BYSL: variants seen among roughly 807,000 people sequenced by gnomAD.
The protein encoded by BYSL is bystin like.
A neutral mutation model predicts 45.4 loss-of-function variants in BYSL; 21 were observed. The observed-to-expected ratio is 0.46, with a 90% CI of 0.33 to 0.67. BYSL has a LOEUF of 0.67. Among genes scored for constraint, BYSL ranks in the 30% least tolerant of loss-of-function variants. The pLI, the probability that BYSL is intolerant of heterozygous loss-of-function variation, is 0.02. For synonymous variants in BYSL, 215 were observed against 231.3 expected, an observed-to-expected ratio of 0.93 and a Z score of 0.64; for missense variants, 522 against 578.5, an observed-to-expected ratio of 0.90 and a Z score of 1.00.
Position 41,927,494 on chromosome 6 carries a change from A to G in BYSL, c.389A>G (p.Glu130Gly). 1 of 1,614,064 alleles carries G rather than the reference A, an allele frequency of 6.2e-7. No individual in the cohort carries two copies. Among genetic ancestry groups the G allele is most frequent in the East Asian group, 2.2e-5 (1 of 44,878 alleles). ...GAGGTGGTTGTGGACCCTGAGGATGAGCGTGCCATAGAGATGTTCATGAAC... is the reference window on the plus strand; with the variant it reads ...GAGGTGGTTGTGGACCCTGAGGATGGGCGTGCCATAGAGATGTTCATGAAC... ...HAEVVVDPED[E>G]RAIEMFMNKN... is the part of the protein sequence containing the mutation. The change falls in exon 2 of 7, where the codon GAG (glutamate) becomes GGG (glycine). Residue 130 changes from glutamate to glycine, a missense_variant. Glu to Gly is a moderately conservative substitution (Grantham distance 98, BLOSUM62 -2). Coordinates refer to ENST00000230340, the MANE Select transcript of BYSL (RefSeq NM_004053.4).
At chr6:41,929,453 G>A (rs1775606587) in intron 2 of BYSL, among the ~76,000 whole-genome samples, 1 of 152,126 alleles carries the variant, frequency 6.6e-6, no homozygotes. Context: ...AGCCATGATG[G>A]TGCCACTGCA....
chr6:41,920,715 G>A, upstream of BYSL: 1 of 332,460 alleles, frequency 3.0e-6, no homozygotes, highest in East Asian at 4.8e-5. Context: ...GTGTTGCAGT[G>A]AGCCAAGATC....
At chr6:41,919,698 A>G (rs1401055335), upstream of BYSL, among the ~76,000 whole-genome samples, 1 of 152,158 alleles carries the variant, frequency 6.6e-6, no homozygotes. Flanking sequence ...GGGAGACCAA[A>G]GCAGGAGGCT....
At chr6:41,914,905 G>T in the BYSL span, among the ~76,000 whole-genome samples, 1 of 152,118 alleles carries the variant, frequency 6.6e-6, no homozygotes, top group Non-Finnish European at 1.5e-5. Context: ...AGCTCTAAAA[G>T]AATCATAAAC....
chr6:41,921,049 A>C (rs748218794), upstream of BYSL: 2 of 1,610,202 alleles, frequency 1.2e-6, no homozygotes, highest in Non-Finnish European at 8.5e-7. Context: ...GCAGAATCAC[A>C]CAGTAGAAAC....
the BYSL span, among the ~76,000 whole-genome samples, chr6:41,915,820 A>G: frequency 6.6e-6 from 1 of 152,142 alleles, no homozygotes; most frequent in East Asian, 1.9e-4. Context: ...TCACATACAA[A>G]GAAATTTTGG....
In BYSL at chr6:41,930,284, G is replaced by C; in HGVS notation, c.570+14G>C. On this transcript the variant is annotated intron_variant, in intron 3 of 6. Coordinates refer to ENST00000230340, the MANE Select transcript of BYSL (RefSeq NM_004053.4). Reference sequence around the variant, plus strand: ...GGGGTCCGGGAGGTAAGAGCTGAGAGGGGAGCCATGGTGGAAGACCCCTTT... The same window carrying C: ...GGGGTCCGGGAGGTAAGAGCTGAGACGGGAGCCATGGTGGAAGACCCCTTT... 6.2e-7 allele frequency: 1 copy of C among 1,611,674 alleles called. No homozygotes were observed. Among genetic ancestry groups the C allele is most frequent in the African/African-American group, 1.3e-5 (1 of 74,970 alleles).
upstream of BYSL, chr6:41,916,885 G>A (rs2127380248): frequency 1.2e-6 from 2 of 1,614,050 alleles, no homozygotes; most frequent in South Asian, 2.2e-5. Context: ...TCCGGGTAAG[G>A]AGCTCTACGG....
chr6:41,921,508 C>A lies in BYSL; in HGVS notation c.-55C>A. 1 of 1,515,292 alleles carries A rather than the reference C, an allele frequency of 6.6e-7. No homozygotes were observed. Among genetic ancestry groups the A allele is most frequent in the Non-Finnish European group, 8.8e-7 (1 of 1,132,182 alleles). The allele number at this position is 1,515,292 out of a possible 1,614,324, so 93.9% of individuals were successfully genotyped here. On this transcript the variant is annotated 5_prime_UTR_variant, in exon 1 of 7. The change creates a new upstream start codon in the 5' untranslated region. Coordinates refer to ENST00000230340, the MANE Select transcript of BYSL (RefSeq NM_004053.4). ...TGGGAGTCCACCGCGCAAGCGCATC[C>A]TGGCCTTTCTTCAGTCCCCACGTGC...
chr6:41,919,824 T>G (rs1312614640), upstream of BYSL, among the ~76,000 whole-genome samples: 1 of 152,192 alleles, frequency 6.6e-6, no homozygotes, highest in Admixed American at 6.5e-5. Flanking sequence ...TCCTTTCCAT[T>G]TCCATTCCTC....
chr6:41,926,028 T>C (rs1041024040), intron 1 of BYSL, among the ~76,000 whole-genome samples: 2 of 152,202 alleles, frequency 1.3e-5, no homozygotes, highest in Non-Finnish European at 1.5e-5. Flanking sequence ...ATCTGAACTC[T>C]ACTGCCTGAA....
chr6:41,922,630 C>T (rs113761622), intron 1 of BYSL, among the ~76,000 whole-genome samples: 2 of 152,216 alleles, frequency 1.3e-5, no homozygotes, highest in African/African-American at 4.8e-5. Context: ...CTCCTCAGTC[C>T]TCTGACCTCT....
At chr6:41,918,118 G>A (rs1346063489), upstream of BYSL, among the ~76,000 whole-genome samples, 4 of 152,258 alleles carry the variant, frequency 2.6e-5, no homozygotes, top group East Asian at 7.7e-4. Flanking sequence ...AACCAACAAC[G>A]TGCCAGACTG....
chr6:41,919,287 TG>T (rs1255565413), upstream of BYSL, among the ~76,000 whole-genome samples: 1 of 152,138 alleles, frequency 6.6e-6, no homozygotes, highest in African/African-American at 2.4e-5. Context: ...CTAGACTGCC[TG>T]TATAAGGATG....
chr6:41,924,227 A>AT lies in BYSL; in HGVS notation c.268+2411dup, dbSNP rs57469455. On this transcript the variant is annotated intron_variant, in intron 1 of 6. Coordinates refer to ENST00000230340, the MANE Select transcript of BYSL (RefSeq NM_004053.4). Reference sequence around the variant, plus strand: ...AGGCGCCCGCCACCACACCCAGCTAATTTTTTTTTTTTTTGTATTTTTAGT... The same window carrying AT: ...AGGCGCCCGCCACCACACCCAGCTAATTTTTTTTTTTTTTTGTATTTTTAGT... 3.3e-3 allele frequency among the ~76,000 whole-genome samples: 473 copies of AT among 144,884 alleles called. 3 individuals are homozygous for AT. The highest frequency in any genetic ancestry group is 6.9e-3 in the Middle Eastern group (2 of 288).
chr6:41,921,234 C>G (rs1394638875), upstream of BYSL: 1 of 666,396 alleles, frequency 1.5e-6, no homozygotes, highest in East Asian at 2.9e-5. Flanking sequence ...TCTGCGGATT[C>G]CCGCCCCGAG....
chr6:41,930,519 G>T, intron 3 of BYSL, 116 bp from the exon 4 acceptor site: 1 of 1,383,146 alleles, frequency 7.2e-7, no homozygotes. Context: ...CCTCCTTATA[G>T]GTTATTGTGG....
At position 41,932,042 on chromosome 6, in the gene BYSL, A is replaced by T. The variant is rs12665121; in HGVS notation, c.968+212A>T. ...CCTGGCATAAAGTAAGTTCTCAGTA[A>T]ATAGATAAACAAATGAGTAGGAAAC... is the stretch of plus-strand genomic sequence containing the variant. On this transcript the variant is annotated intron_variant, in intron 6 of 6. Coordinates refer to ENST00000230340, the MANE Select transcript of BYSL (RefSeq NM_004053.4). This position sits in a 1 kb window ranked among gnomAD's most constrained non-coding sequence, Gnocchi z 4.7. 2.6e-5 allele frequency among the ~76,000 whole-genome samples: 4 copies of T among 152,284 alleles called. No individual in the cohort carries two copies. In the East Asian group the frequency reaches 5.8e-4, roughly 22 times the overall value.
In BYSL at chr6:41,932,685, T is replaced by C. The variant is rs1775658757; in HGVS notation, c.1293T>C (p.Asp431=). ...GTGCAGTCCCCCGCGATGTGGAAGA[T>C]GTTCCCATCACCGTGGAGTGAGGAA... ...LQSAVPRDVE[D]VPITVE Residue 431 remains aspartate (D), a synonymous_variant, in exon 7 of 7, where the codon GAT becomes GAC. Coordinates refer to ENST00000230340, the MANE Select transcript of BYSL (RefSeq NM_004053.4). The surrounding 1 kb of genome is among the most constrained non-coding windows in gnomAD (Gnocchi z 4.7). The C allele has an allele frequency of 2.5e-6, 4 of 1,611,906 alleles. No individual in the cohort carries two copies. The highest frequency in any genetic ancestry group is 1.1e-5 in the South Asian group (1 of 91,004).
Sources: allele counts gnomAD v4.1 joint callset (sites outside exome capture counted in the v4.1 genomes callset), GRCh38; gene constraint gnomAD v4.1.1; non-coding constraint Gnocchi (gnomAD v3.1); transcripts MANE v1.5; gene names NCBI Gene and HGNC (gene_info 2026-07-23, HGNC 2026-07-21).